LDLRAD3: variants seen among roughly 807,000 people sequenced by gnomAD.
LDLRAD3 encodes low-density lipoprotein receptor class A domain-containing protein 3.
LDLRAD3 carries 20 observed loss-of-function variants against 29.4 expected under a neutral mutation model. That is an observed-to-expected ratio of 0.68 (90% CI 0.48 to 0.99). The LOEUF (loss-of-function observed/expected upper bound fraction) is 0.99. Ranked by LOEUF, LDLRAD3 falls within the 50% of genes least tolerant of loss-of-function variation. The pLI is 0.00. For missense variants in LDLRAD3, 420 were observed against 454.3 expected, an observed-to-expected ratio of 0.92 and a Z score of 0.69; for synonymous variants, 157 against 192.7, an observed-to-expected ratio of 0.81 and a Z score of 1.53.
intron 4 of LDLRAD3, among the ~76,000 whole-genome samples, chr11:36,143,948 CTCTCTT>C (rs1427648354): frequency 6.3e-5 from 9 of 142,808 alleles, no homozygotes; most frequent in African/African-American, 2.2e-4. Flanking sequence ...CTCCCCCTCC[CTCTCTT>C]GCCACGGTCT....
At chr11:36,099,417 G>A (rs778161419) in intron 4 of LDLRAD3, among the ~76,000 whole-genome samples, 17 of 152,186 alleles carry the variant, frequency 1.1e-4, no homozygotes, top group Non-Finnish European at 2.4e-4. Flanking sequence ...GGTATCATCT[G>A]TATGTAATCT....
Position 36,076,480 on chromosome 11 carries a change from G to A in LDLRAD3, c.194-5173G>A, listed in dbSNP as rs188791510. 1.7e-3 allele frequency among the ~76,000 whole-genome samples: 257 copies of A among 151,838 alleles called. 2 individuals carry two copies. Among genetic ancestry groups the A allele is most frequent in the African/African-American group, 5.9e-3 (243 of 41,400 alleles). On this transcript the variant is annotated intron_variant, in intron 2 of 5. Coordinates refer to ENST00000315571, the MANE Select transcript of LDLRAD3 (RefSeq NM_174902.4). ...CAGCTCACTGCAACCTCCACCTCCC[G>A]GGTTCAAGCAGTTCTCTGCCTCAGC...
intron 2 of LDLRAD3, among the ~76,000 whole-genome samples, chr11:36,068,925 G>A (rs1308367984): frequency 2.6e-5 from 4 of 152,192 alleles, no homozygotes; most frequent in African/African-American, 9.7e-5. Context: ...AATTTTCTAC[G>A]AGAGAATCTT....
chr11:36,186,039 T>C (rs763638233), intron 4 of LDLRAD3, among the ~76,000 whole-genome samples: 6 of 152,170 alleles, frequency 3.9e-5, no homozygotes, highest in Non-Finnish European at 7.4e-5. Context: ...AAAACCCTGG[T>C]CTGCCTGTCC....
At chr11:36,133,379 T>C (rs77678762) in intron 4 of LDLRAD3, among the ~76,000 whole-genome samples, 18 of 44,054 alleles carry the variant, frequency 4.1e-4, no homozygotes, top group Admixed American at 8.3e-4. Flanking sequence ...TTTTCTTTTC[T>C]TTTCTTTTCT....
intron 2 of LDLRAD3, among the ~76,000 whole-genome samples, chr11:36,046,329 T>A (rs531549575): frequency 3.3e-4 from 51 of 152,302 alleles, no homozygotes; most frequent in Admixed American, 7.2e-4. Flanking sequence ...CCCAGCCATG[T>A]GGAACTGAGA....
At chr11:36,140,806 C>G (rs768741973) in intron 4 of LDLRAD3, among the ~76,000 whole-genome samples, 16 of 152,108 alleles carry the variant, frequency 1.1e-4, no homozygotes, top group Non-Finnish European at 1.5e-4. Context: ...TAAAAATAGA[C>G]TTTCAGGTTG....
chr11:36,089,161 C>G (rs1590257601), intron 3 of LDLRAD3, among the ~76,000 whole-genome samples: 2 of 152,186 alleles, frequency 1.3e-5, no homozygotes, highest in African/African-American at 4.8e-5. Context: ...AGTATACAAA[C>G]TTTCAGGGCA....
chr11:36,129,189 G>A (rs1474308777), intron 4 of LDLRAD3, among the ~76,000 whole-genome samples: 1 of 152,188 alleles, frequency 6.6e-6, no homozygotes, highest in Non-Finnish European at 1.5e-5. Flanking sequence ...ATTTAGAAGA[G>A]CATATGGCAT....
chr11:36,185,335 A>G (rs1277876661), intron 4 of LDLRAD3, among the ~76,000 whole-genome samples: 1 of 152,242 alleles, frequency 6.6e-6, no homozygotes, highest in Non-Finnish European at 1.5e-5. Context: ...TAAAAAGATC[A>G]AATAGTACTT....
intron 4 of LDLRAD3, among the ~76,000 whole-genome samples, chr11:36,172,644 A>C (rs1376862046): frequency 6.6e-6 from 1 of 152,118 alleles, no homozygotes; most frequent in African/African-American, 2.4e-5. Flanking sequence ...ACTTGCGTAT[A>C]TTAAACCAGC....
intron 4 of LDLRAD3, among the ~76,000 whole-genome samples, chr11:36,191,295 T>A (rs1163334072): frequency 6.6e-6 from 1 of 152,004 alleles, no homozygotes; most frequent in African/African-American, 2.4e-5. Context: ...CCCAACACTT[T>A]GGGAGGCTGA....
At chr11:35,966,626 C>T (rs1488781809) in intron 1 of LDLRAD3, among the ~76,000 whole-genome samples, 2 of 151,024 alleles carry the variant, frequency 1.3e-5, no homozygotes, top group Non-Finnish European at 2.9e-5. Flanking sequence ...ACAGCCATGT[C>T]AAGTTTTCCT....
chr11:36,049,413 A>G (rs1310221509), intron 2 of LDLRAD3, among the ~76,000 whole-genome samples: 1 of 152,232 alleles, frequency 6.6e-6, no homozygotes, highest in Non-Finnish European at 1.5e-5. Context: ...GTGCATTCAT[A>G]TAATGCAGAC....
At chr11:36,128,440 C>T (rs190802710) in intron 4 of LDLRAD3, among the ~76,000 whole-genome samples, 65 of 152,206 alleles carry the variant, frequency 4.3e-4, no homozygotes, top group African/African-American at 1.4e-3. Context: ...GGTAGAGATG[C>T]CAGAGGGTGC....
intron 1 of LDLRAD3, among the ~76,000 whole-genome samples, chr11:36,032,174 C>T (rs74971142): frequency 0.018 from 2,712 of 152,204 alleles, 76 homozygotes; most frequent in African/African-American, 0.062. Flanking sequence ...CAGTCACATT[C>T]GGAGGTTCTA....
chr11:35,947,754 C>G (rs1851076093), intron 1 of LDLRAD3, among the ~76,000 whole-genome samples: 1 of 152,194 alleles, frequency 6.6e-6, no homozygotes, highest in Non-Finnish European at 1.5e-5. Context: ...ACTTAAGCTT[C>G]TCTTTGCCCC....
At chr11:35,955,953 A>G (rs969637242) in intron 1 of LDLRAD3, among the ~76,000 whole-genome samples, 4 of 152,214 alleles carry the variant, frequency 2.6e-5, no homozygotes, top group African/African-American at 7.2e-5. Flanking sequence ...GATCTACAGA[A>G]GTGCTCACTC....
chr11:36,186,083 G>A (rs1854843535), intron 4 of LDLRAD3, among the ~76,000 whole-genome samples: 1 of 152,170 alleles, frequency 6.6e-6, no homozygotes, highest in South Asian at 2.1e-4. Flanking sequence ...GTATAGCCTT[G>A]CAGATAAAAA....
Sources: allele counts gnomAD v4.1 joint callset (sites outside exome capture counted in the v4.1 genomes callset), GRCh38; gene constraint gnomAD v4.1.1; transcripts MANE v1.5; gene names NCBI Gene and HGNC (gene_info 2026-07-23, HGNC 2026-07-21).